PARD3B: variants seen among roughly 807,000 people sequenced by gnomAD.
The protein encoded by PARD3B is par-3 family cell polarity regulator beta, also known as partitioning defective 3 homolog B.
In PARD3B, 103 loss-of-function variants were observed where a neutral mutation model predicts 130.2. That is an observed-to-expected ratio of 0.79 (90% CI 0.67 to 0.93). The LOEUF (loss-of-function observed/expected upper bound fraction) is 0.93, where lower values mean the gene tolerates loss of function less well. Ranked by LOEUF, PARD3B falls within the 40% of genes least tolerant of loss-of-function variation. The pLI is 0.00. For synonymous variants in PARD3B, 583 were observed against 553.2 expected (o/e 1.05, Z -0.76); for missense variants, 1,609 against 1,499.2 (o/e 1.07, Z -1.21).
In PARD3B at chr2:204,625,767, A is replaced by G. The variant is rs189877548; in HGVS notation, c.121-60414A>G. Among the ~76,000 whole-genome samples the G allele has an allele frequency of 5.3e-5, 8 of 152,322 alleles. No homozygotes were observed. The East Asian group carries it at 9.6e-4, about 18-fold the overall frequency. On this transcript the variant is annotated intron_variant, in intron 1 of 22. Transcript: ENST00000406610. Reference sequence around the variant, plus strand: ...ATAGATTTTTAGCTTTTTAAAATCTATGAAACGCTCATTTCATAATATTCC... The same window carrying G: ...ATAGATTTTTAGCTTTTTAAAATCTGTGAAACGCTCATTTCATAATATTCC...
At position 205,605,480 on chromosome 2, in the gene PARD3B, T is replaced by TTTTG. The variant is rs550984664; in HGVS notation, c.3261-9960_3261-9957dup. Among the ~76,000 whole-genome samples, 29 of 152,168 alleles carry TTTTG rather than the reference T, an allele frequency of 1.9e-4. 1 individual carries two copies. In the South Asian group the frequency reaches 4.2e-3, roughly 22 times the overall value. ...TGTGTGTGTGTTTTGTTTTGTTGTTTTTTGTTTGTTTGTTTGTTTTAACAG... is the reference window on the plus strand; with the variant it reads ...TGTGTGTGTGTTTTGTTTTGTTGTTTTTTGTTTGTTTGTTTGTTTGTTTTAACAG... On this transcript the variant is annotated intron_variant, in intron 22 of 22. Coordinates refer to ENST00000406610, the MANE Select transcript of PARD3B (RefSeq NM_001302769.2).
intron 1 of PARD3B, among the ~76,000 whole-genome samples, chr2:204,576,851 C>T (rs777300480): frequency 6.6e-6 from 1 of 152,122 alleles, no homozygotes; most frequent in African/African-American, 2.4e-5. Flanking sequence ...ATCATAACAA[C>T]AATATGGAAT....
At chr2:205,177,378 ATTTT>A (rs1489639003) in intron 13 of PARD3B, among the ~76,000 whole-genome samples, 5 of 152,204 alleles carry the variant, frequency 3.3e-5, no homozygotes, top group Non-Finnish European at 5.9e-5. Flanking sequence ...TAATGAAAAT[ATTTT>A]ATACAAAAAA....
At chr2:205,445,886 C>G (rs1284168873) in intron 20 of PARD3B, among the ~76,000 whole-genome samples, 2 of 152,112 alleles carry the variant, frequency 1.3e-5, no homozygotes, top group African/African-American at 4.8e-5. Context: ...TCAACAAATA[C>G]TTATTGAGTA....
At chr2:205,027,230 C>T (rs34872828) in intron 3 of PARD3B, among the ~76,000 whole-genome samples, 72,631 of 151,948 alleles carry the variant, frequency 0.48, 17,828 homozygotes, top group Admixed American at 0.56. Flanking sequence ...CAGCTGCTAT[C>T]TCATCTTTCT....
At chr2:205,528,323 C>G (rs1449392154) in intron 21 of PARD3B, among the ~76,000 whole-genome samples, 1 of 152,138 alleles carries the variant, frequency 6.6e-6, no homozygotes, top group Non-Finnish European at 1.5e-5. Context: ...TTGTGCCCAA[C>G]CTCATGCTGA....
intron 18 of PARD3B, among the ~76,000 whole-genome samples, chr2:205,358,271 C>T (rs1266417571): frequency 6.6e-6 from 1 of 152,150 alleles, no homozygotes; most frequent in Admixed American, 6.5e-5. Flanking sequence ...CTTATGTCTT[C>T]TAGGATTACT....
rs59072010 is a variant in PARD3B, at chr2:204,630,175, T to C, written c.121-56006T>C. ...ATTCTTTATATTGATAGTGTTATAC[T>C]CAATCTGATCCAAACTGGTTTTTAT... On this transcript the variant is annotated intron_variant, in intron 1 of 22. Transcript: ENST00000406610. Among the ~76,000 whole-genome samples the C allele has an allele frequency of 3.3e-3, 508 of 152,276 alleles. 2 individuals carry two copies. The highest frequency in any genetic ancestry group is 0.011 in the African/African-American group (471 of 41,574).
chr2:204,984,050 A>G (rs373793379), intron 3 of PARD3B, among the ~76,000 whole-genome samples: 30 of 152,250 alleles, frequency 2.0e-4, no homozygotes, highest in African/African-American at 7.0e-4. Context: ...TCTAATTCTC[A>G]GATCCAGCCA....
intron 15 of PARD3B, among the ~76,000 whole-genome samples, chr2:205,198,338 T>G (rs2036805316): frequency 6.6e-6 from 1 of 152,194 alleles, no homozygotes; most frequent in African/African-American, 2.4e-5. Context: ...AGACGAAATT[T>G]TAGGAAGTTT....
rs767524981 is a variant in PARD3B, at chr2:205,473,680, G to GTATATA, written c.3045-26213_3045-26212insATATAT. Among the ~76,000 whole-genome samples the GTATATA allele has an allele frequency of 2.3e-5, 2 of 86,044 alleles. No homozygotes were observed. The highest frequency in any genetic ancestry group is 4.2e-5 in the Non-Finnish European group (2 of 47,788). 56.4% of individuals were successfully genotyped at this position (86,044 alleles called of 152,430 possible). ...TGTGTGTGTGTGTGTGTGTGTGTGT[G>GTATATA]TATGTATATATATATATATATATAT... On this transcript the variant is annotated intron_variant, in intron 20 of 22. Transcript: ENST00000406610. This position sits in a 1 kb window ranked among gnomAD's most constrained non-coding sequence, Gnocchi z 4.9.
chr2:205,041,415 T>A (rs150173764), intron 3 of PARD3B, among the ~76,000 whole-genome samples: 1 of 152,202 alleles, frequency 6.6e-6, no homozygotes, highest in Non-Finnish European at 1.5e-5. Context: ...TGATTTTAGG[T>A]GTCTGTTTTA....
At chr2:204,989,056 T>C (rs1693417695) in intron 3 of PARD3B, among the ~76,000 whole-genome samples, 1 of 152,208 alleles carries the variant, frequency 6.6e-6, no homozygotes. Flanking sequence ...CCAAGTGTAC[T>C]GCCTAGTATA....
Position 204,778,824 on chromosome 2 carries a change from C to G in PARD3B, c.222+92542C>G, listed in dbSNP as rs143965313. Reference sequence around the variant, plus strand: ...CTGCTATTCCCCCTTCCCATGCATTCTCCTATGACTGTGCCAGTCATCCTA... The same window carrying G: ...CTGCTATTCCCCCTTCCCATGCATTGTCCTATGACTGTGCCAGTCATCCTA... On this transcript the variant is annotated intron_variant, in intron 2 of 22. Coordinates refer to ENST00000406610, the MANE Select transcript of PARD3B (RefSeq NM_001302769.2). Among the ~76,000 whole-genome samples the G allele has an allele frequency of 5.3e-5, 8 of 152,232 alleles. No homozygotes were observed. In the East Asian group the frequency reaches 1.5e-3, roughly 29 times the overall value.
intron 18 of PARD3B, among the ~76,000 whole-genome samples, chr2:205,390,229 A>G (rs2045805792): frequency 6.6e-6 from 1 of 151,720 alleles, no homozygotes; most frequent in East Asian, 1.9e-4. Context: ...CCCCCAGGGG[A>G]AAAAACAATT....
intron 1 of PARD3B, among the ~76,000 whole-genome samples, chr2:204,580,808 A>G (rs373880954): frequency 5.9e-5 from 9 of 152,194 alleles, no homozygotes; most frequent in African/African-American, 2.2e-4. Context: ...TCTAATAACA[A>G]TCTGCGTGAC....
At chr2:204,976,982 A>G (rs1692230290) in intron 3 of PARD3B, among the ~76,000 whole-genome samples, 2 of 152,086 alleles carry the variant, frequency 1.3e-5, no homozygotes, top group East Asian at 1.9e-4. Flanking sequence ...CCATAAGATC[A>G]TGTTCTCTCT....
At chr2:205,363,307 G>A (rs1342234157) in intron 18 of PARD3B, among the ~76,000 whole-genome samples, 2 of 152,190 alleles carry the variant, frequency 1.3e-5, no homozygotes, top group African/African-American at 4.8e-5. Flanking sequence ...TGGATAGGAA[G>A]CCAAAGGCCA....
At chr2:205,232,321 C>CA (rs550542195) in intron 15 of PARD3B, among the ~76,000 whole-genome samples, 1,735 of 152,160 alleles carry the variant, frequency 0.011, 17 homozygotes, top group Non-Finnish European at 0.019. Context: ...AGCATAGTGG[C>CA]ACACACTGTA....
Sources: allele counts gnomAD v4.1 joint callset (sites outside exome capture counted in the v4.1 genomes callset), GRCh38; gene constraint gnomAD v4.1.1; non-coding constraint Gnocchi (gnomAD v3.1); transcripts MANE v1.5; gene names NCBI Gene and HGNC (gene_info 2026-07-23, HGNC 2026-07-21).